RNF216: variants seen among roughly 807,000 people sequenced by gnomAD.
The protein encoded by RNF216 is E3 ubiquitin-protein ligase RNF216.
A neutral mutation model predicts 110.8 loss-of-function variants in RNF216; 72 were observed. The ratio of observed to expected loss-of-function variants is 0.65; its 90% CI spans 0.54 to 0.79. RNF216 has a LOEUF of 0.79. RNF216 is among the 30% of genes least tolerant of loss of function. RNF216 has a pLI of 0.00. For synonymous variants in RNF216, 495 were observed against 407.5 expected, an observed-to-expected ratio of 1.21 and a Z score of -2.59; for missense variants, 1,342 against 1,141.2, an observed-to-expected ratio of 1.18 and a Z score of -2.54.
At chr7:5,751,757 T>G (rs1045830518) in intron 3 of RNF216, among the ~76,000 whole-genome samples, 1 of 131,016 alleles carries the variant, frequency 7.6e-6, no homozygotes, top group Non-Finnish European at 1.5e-5. Context: ...GTGGAACACC[T>G]ACTGAATTTT....
chr7:5,762,843 A>G (rs575667032), intron 1 of RNF216, among the ~76,000 whole-genome samples: 1 of 152,342 alleles, frequency 6.6e-6, no homozygotes, highest in South Asian at 2.1e-4. Context: ...CTTTCTTTTA[A>G]AGATATTTAA....
intron 11 of RNF216, among the ~76,000 whole-genome samples, chr7:5,714,253 G>A (rs1318944240): frequency 6.6e-6 from 1 of 151,692 alleles, no homozygotes; most frequent in African/African-American, 2.4e-5. Flanking sequence ...AAGCCACAGC[G>A]CCTGGCCTAT....
chr7:5,622,664 T>G lies in RNF216; in HGVS notation c.*196A>C. The G allele has an allele frequency of 1.7e-6, 1 of 590,528 alleles. No individual in the cohort carries two copies. 36.6% of individuals were successfully genotyped at this position (590,528 alleles called of 1,614,324 possible). A position where few individuals can be genotyped will look rare whatever the true frequency, so the allele number is the denominator to read the frequency against. ...GCAGCTCTCTCCGAACTCCACCATTTGGGACGTCTTTATTATGGATCCGTC... is the reference window on the plus strand; with the variant it reads ...GCAGCTCTCTCCGAACTCCACCATTGGGGACGTCTTTATTATGGATCCGTC... On this transcript the variant is annotated 3_prime_UTR_variant, in exon 17 of 17. Coordinates refer to ENST00000389902, the MANE Select transcript of RNF216 (RefSeq NM_207111.4).
chr7:5,710,391 C>T (rs1291466295), intron 13 of RNF216, among the ~76,000 whole-genome samples: 2 of 149,882 alleles, frequency 1.3e-5, no homozygotes, highest in African/African-American at 4.9e-5. Flanking sequence ...AAACAAAAAA[C>T]GTCCTCAGAG....
At chr7:5,670,771 A>G in intron 13 of RNF216, among the ~76,000 whole-genome samples, 1 of 152,154 alleles carries the variant, frequency 6.6e-6, no homozygotes, top group East Asian at 1.9e-4. Flanking sequence ...TTGTGTTTTC[A>G]GCCTTAATCC....
At chr7:5,725,495 G>C in intron 7 of RNF216, 57 bp from the exon 8 acceptor site, 1 of 989,854 alleles carries the variant, frequency 1.0e-6, no homozygotes, top group East Asian at 2.4e-5. Flanking sequence ...GAATACACGA[G>C]ACAGGCAATC....
intron 1 of RNF216, among the ~76,000 whole-genome samples, chr7:5,771,827 A>T (rs1796510134): frequency 6.6e-6 from 1 of 151,998 alleles, no homozygotes; most frequent in Non-Finnish European, 1.5e-5. Context: ...CCAAAGGAAA[A>T]ATGGGGCAAA....
At chr7:5,707,718 G>GTTTT (rs35372254) in intron 13 of RNF216, among the ~76,000 whole-genome samples, 80 of 92,848 alleles carry the variant, frequency 8.6e-4, no homozygotes, top group Admixed American at 9.9e-4. Flanking sequence ...TGTGTGTGTG[G>GTTTT]TTTTTTTTTT....
intron 1 of RNF216, among the ~76,000 whole-genome samples, chr7:5,778,199 C>G (rs1796888455): frequency 6.6e-6 from 1 of 152,178 alleles, no homozygotes; most frequent in Non-Finnish European, 1.5e-5. Flanking sequence ...TACCTCATAC[C>G]TTTTCCCCCC....
chr7:5,735,883 T>A (rs1274740599), intron 5 of RNF216, among the ~76,000 whole-genome samples: 1 of 152,026 alleles, frequency 6.6e-6, no homozygotes, highest in Non-Finnish European at 1.5e-5. Flanking sequence ...TCACCTGAGG[T>A]CAGGAGTTCA....
Position 5,624,834 on chromosome 7 carries a change from C to T in RNF216, c.2383-709G>A, listed in dbSNP as rs1299810178. Among the ~76,000 whole-genome samples the T allele has an allele frequency of 2.6e-5, 4 of 152,232 alleles. No homozygotes were observed. The highest frequency in any genetic ancestry group is 5.9e-5 in the Non-Finnish European group (4 of 68,026). On this transcript the variant is annotated intron_variant, in intron 15 of 16. Coordinates refer to ENST00000389902, the MANE Select transcript of RNF216 (RefSeq NM_207111.4). The surrounding 1 kb of genome is among the most constrained non-coding windows in gnomAD (Gnocchi z 4.4). ...GCTGTGCTGGGAAACTCAGGGGCCA[C>T]ACTGGGCAAGCCCCAGAGGTTGGGT...
chr7:5,640,614 T>C (rs1320245948), intron 15 of RNF216, among the ~76,000 whole-genome samples: 1 of 152,250 alleles, frequency 6.6e-6, no homozygotes, highest in Non-Finnish European at 1.5e-5. Flanking sequence ...TTTGATTTGA[T>C]TTCTTAAATG....
At chr7:5,720,636 A>T (rs891269561) in intron 9 of RNF216, among the ~76,000 whole-genome samples, 4 of 152,206 alleles carry the variant, frequency 2.6e-5, no homozygotes, top group African/African-American at 9.6e-5. Flanking sequence ...CCCCCAAGAG[A>T]GTCTTGGGAA....
intron 2 of RNF216, chr7:5,760,448 G>A (rs1372371824): frequency 2.6e-6 from 1 of 387,480 alleles, no homozygotes; most frequent in South Asian, 1.8e-5. Flanking sequence ...CCCAGGAGGC[G>A]GAGCTCGTGG....
intron 14 of RNF216, among the ~76,000 whole-genome samples, chr7:5,645,597 C>CT (rs776157397): frequency 1.5e-3 from 215 of 143,910 alleles, no homozygotes; most frequent in Middle Eastern, 3.5e-3. Flanking sequence ...CTTAATTTTT[C>CT]TTTTTTTTTT....
At chr7:5,776,943 A>T (rs1796817564) in intron 1 of RNF216, among the ~76,000 whole-genome samples, 1 of 121,760 alleles carries the variant, frequency 8.2e-6, no homozygotes, top group African/African-American at 3.0e-5. Flanking sequence ...AGAGAGAGAG[A>T]GAAAAAAAGA....
intron 7 of RNF216, among the ~76,000 whole-genome samples, chr7:5,728,449 C>A (rs1332123019): frequency 1.3e-5 from 2 of 151,914 alleles, no homozygotes; most frequent in Non-Finnish European, 2.9e-5. Context: ...TGGTGAGCAC[C>A]TACAGTCCCA....
At chr7:5,710,124 C>G (rs1467609217) in intron 13 of RNF216, among the ~76,000 whole-genome samples, 4 of 152,192 alleles carry the variant, frequency 2.6e-5, no homozygotes. Context: ...CTTTGGAAGG[C>G]TGAGGTGGGC....
intron 12 of RNF216, 148 bp downstream of exon 12, chr7:5,712,567 A>C (rs527398633): frequency 6.7e-5 from 50 of 747,262 alleles, no homozygotes; most frequent in Non-Finnish European, 1.0e-4. Context: ...AAAATAAATA[A>C]GTAAAATTAT....
Sources: allele counts gnomAD v4.1 joint callset (sites outside exome capture counted in the v4.1 genomes callset), GRCh38; gene constraint gnomAD v4.1.1; non-coding constraint Gnocchi (gnomAD v3.1); transcripts MANE v1.5; gene names NCBI Gene and HGNC (gene_info 2026-07-23, HGNC 2026-07-21).